Variants in FARS2 observed in about 807,000 individuals in gnomAD.
FARS2 encodes the protein phenylalanine--tRNA ligase, mitochondrial.
In FARS2, 40 loss-of-function variants were observed where a neutral mutation model predicts 46.4. The ratio of observed to expected loss-of-function variants is 0.86; its 90% confidence interval spans 0.67 to 1.12. The LOEUF (loss-of-function observed/expected upper bound fraction) is 1.12, where lower values mean the gene tolerates loss of function less well. FARS2 is among the 50% of genes most tolerant of loss of function. The pLI is 0.00. For synonymous variants in FARS2, 234 were observed against 214.9 expected (o/e 1.09, Z -0.78); for missense variants, 513 against 567.9 (o/e 0.90, Z 0.98).
At chr6:5,487,991 A>G (rs1766881578) in intron 4 of FARS2, among the ~76,000 whole-genome samples, 1 of 152,146 alleles carries the variant, frequency 6.6e-6, no homozygotes, top group South Asian at 2.1e-4. Flanking sequence ...ATTCTGGAGA[A>G]TATTCTCTCC....
chr6:5,612,874 A>T lies in FARS2; in HGVS notation c.1066-295A>T, dbSNP rs12110947. On this transcript the variant is annotated intron_variant, in intron 5 of 6. Coordinates refer to ENST00000274680, the MANE Select transcript of FARS2 (RefSeq NM_006567.5). ...CCTCTAGTATTCAAATGGGAAAAAC[A>T]GAAATATAATACATTCAAATTTCTT... Among the ~76,000 whole-genome samples the T allele has an allele frequency of 0.036, 5,426 of 152,298 alleles. 307 individuals carry two copies. Among genetic ancestry groups the T allele is most frequent in the African/African-American group, 0.12 (4,996 of 41,542 alleles).
intron 1 of FARS2, among the ~76,000 whole-genome samples, chr6:5,327,258 C>G (rs536838403): frequency 1.3e-5 from 2 of 152,276 alleles, no homozygotes; most frequent in African/African-American, 4.8e-5. Context: ...TTCTGCTATT[C>G]AATACAAAAT....
At chr6:5,308,704 A>G (rs1768893016) in intron 1 of FARS2, among the ~76,000 whole-genome samples, 1 of 152,206 alleles carries the variant, frequency 6.6e-6, no homozygotes. Flanking sequence ...ACGTCTAACA[A>G]TGTGTTGCAT....
chr6:5,284,498 C>CAGTG (rs1561931302), intron 1 of FARS2, among the ~76,000 whole-genome samples: 1 of 152,170 alleles, frequency 6.6e-6, no homozygotes, highest in African/African-American at 2.4e-5. Flanking sequence ...GGCTGTCGTG[C>CAGTG]AGTGTTCTTC....
chr6:5,510,818 A>C (rs189831137), intron 4 of FARS2, among the ~76,000 whole-genome samples: 3 of 148,042 alleles, frequency 2.0e-5, no homozygotes, highest in African/African-American at 7.6e-5. Context: ...AGATGACCTC[A>C]GGAAGTTAAT....
At position 5,341,206 on chromosome 6, in the gene FARS2, TA is replaced by T. The variant is rs1561969634; in HGVS notation, c.-21-27343del. Among the ~76,000 whole-genome samples, 48 of 8,008 alleles carry T rather than the reference TA, an allele frequency of 6.0e-3. 2 individuals carry two copies. The highest frequency in any genetic ancestry group is 7.8e-3 in the Non-Finnish European group (29 of 3,720). 5.3% of individuals were successfully genotyped at this position (8,008 alleles called of 152,430 possible). On this transcript the variant is annotated intron_variant, in intron 1 of 6. Transcript: ENST00000274680. Reference sequence around the variant, plus strand: ...ATGGGGAGATATATATATATATATATATATATATATATATATATATATATAT... The same window carrying T: ...ATGGGGAGATATATATATATATATATTATATATATATATATATATATATAT...
intron 4 of FARS2, among the ~76,000 whole-genome samples, chr6:5,484,166 C>T (rs564740437): frequency 1.4e-4 from 21 of 152,190 alleles, no homozygotes; most frequent in African/African-American, 4.3e-4. Context: ...TAAGTGATTC[C>T]ATTATTTCTG....
intron 4 of FARS2, among the ~76,000 whole-genome samples, chr6:5,460,044 G>C (rs1015915740): frequency 1.3e-5 from 2 of 152,148 alleles, no homozygotes; most frequent in Non-Finnish European, 2.9e-5. Context: ...AGCGTGTTTT[G>C]GGATAGATCG....
intron 6 of FARS2, among the ~76,000 whole-genome samples, chr6:5,733,609 A>T (rs1309534676): frequency 6.6e-6 from 1 of 152,140 alleles, no homozygotes; most frequent in East Asian, 1.9e-4. Context: ...CTGACTCTCC[A>T]GTCTTTAACT....
At chr6:5,546,541 C>CAT (rs1771029902) in intron 5 of FARS2, among the ~76,000 whole-genome samples, 1 of 151,486 alleles carries the variant, frequency 6.6e-6, no homozygotes, top group Non-Finnish European at 1.5e-5. Context: ...TGAGCCACTG[C>CAT]GCCCAGCCCT....
chr6:5,351,932 C>G (rs1757601663), intron 1 of FARS2, among the ~76,000 whole-genome samples: 1 of 152,160 alleles, frequency 6.6e-6, no homozygotes, highest in African/African-American at 2.4e-5. Flanking sequence ...TACACTTTTG[C>G]TATCTCTATA....
chr6:5,585,479 C>G (rs1302855838), intron 5 of FARS2, among the ~76,000 whole-genome samples: 5 of 152,060 alleles, frequency 3.3e-5, no homozygotes, highest in African/African-American at 9.7e-5. Flanking sequence ...CCCATTCCCC[C>G]ACCCCCATCC....
At chr6:5,289,151 A>G (rs2127509310) in intron 1 of FARS2, among the ~76,000 whole-genome samples, 1 of 152,366 alleles carries the variant, frequency 6.6e-6, no homozygotes, top group East Asian at 1.9e-4. Flanking sequence ...TTAACATGTA[A>G]CATGAATCAA....
chr6:5,414,353 T>C (rs544933317), intron 3 of FARS2, among the ~76,000 whole-genome samples: 2 of 152,308 alleles, frequency 1.3e-5, no homozygotes, highest in East Asian at 1.9e-4. Flanking sequence ...AATCAAGATA[T>C]ACTCATCACC....
At chr6:5,622,560 T>C (rs9392702) in intron 6 of FARS2, among the ~76,000 whole-genome samples, 83,245 of 152,032 alleles carry the variant, frequency 0.55, 23,433 homozygotes, top group African/African-American at 0.67. Context: ...CGTGCCCTTA[T>C]AGAAGAGGCT....
chr6:5,296,286 T>C (rs989175569), intron 1 of FARS2, among the ~76,000 whole-genome samples: 16 of 151,694 alleles, frequency 1.1e-4, no homozygotes, highest in South Asian at 6.3e-4. Flanking sequence ...GGACTGCAGG[T>C]GCCCATCACC....
At chr6:5,363,409 C>G (rs1176121117) in intron 1 of FARS2, among the ~76,000 whole-genome samples, 1 of 152,028 alleles carries the variant, frequency 6.6e-6, no homozygotes, top group African/African-American at 2.4e-5. Context: ...AAGAGGCAGC[C>G]TTCTTTGTTT....
intron 4 of FARS2, among the ~76,000 whole-genome samples, chr6:5,497,416 C>CT (rs1767537085): frequency 6.6e-6 from 1 of 152,022 alleles, no homozygotes; most frequent in Non-Finnish European, 1.5e-5. Context: ...TTTTGCCAGG[C>CT]CTGATGAGAA....
chr6:5,542,305 GA>G (rs1354936470), intron 4 of FARS2, among the ~76,000 whole-genome samples: 1 of 152,144 alleles, frequency 6.6e-6, no homozygotes, highest in Non-Finnish European at 1.5e-5. Flanking sequence ...CTACTATATG[GA>G]TATACCACAA....
Sources: allele counts gnomAD v4.1 joint callset (sites outside exome capture counted in the v4.1 genomes callset), GRCh38; gene constraint gnomAD v4.1.1; transcripts MANE v1.5; gene names NCBI Gene and HGNC (gene_info 2026-07-23, HGNC 2026-07-21).